PDE1A: variants seen among roughly 807,000 people sequenced by gnomAD.
PDE1A encodes the protein phosphodiesterase 1A.
PDE1A carries 35 observed loss-of-function variants against 61.7 expected under a neutral mutation model. The ratio of observed to expected loss-of-function variants is 0.57; its 90% CI spans 0.43 to 0.75. The LOEUF is 0.75. Ranked by LOEUF, PDE1A falls within the 30% of genes least tolerant of loss-of-function variation. The probability of loss-of-function intolerance (pLI) is 0.00; values close to 1 mark genes in which losing one functional copy is unlikely to be tolerated. For synonymous variants in PDE1A, 232 were observed against 213.2 expected, an observed-to-expected ratio of 1.09 and a Z score of -0.77; for missense variants, 597 against 630.6, an observed-to-expected ratio of 0.95 and a Z score of 0.57.
chr2:182,237,340 A>T (rs1690104631), intron 3 of PDE1A, among the ~76,000 whole-genome samples: 1 of 152,094 alleles, frequency 6.6e-6, no homozygotes, highest in Non-Finnish European at 1.5e-5. Context: ...AAAAATACAA[A>T]AAACAATTAG....
At chr2:182,371,968 G>A (rs1700148345) in intron 1 of PDE1A, among the ~76,000 whole-genome samples, 1 of 151,932 alleles carries the variant, frequency 6.6e-6, no homozygotes, top group Non-Finnish European at 1.5e-5. Flanking sequence ...TTTTATTTTT[G>A]TATTTTTAGT....
chr2:182,590,961 T>C, the PDE1A span, among the ~76,000 whole-genome samples: 4 of 152,192 alleles, frequency 2.6e-5, no homozygotes, highest in African/African-American at 9.7e-5. Context: ...TTGCTCACCA[T>C]TGTGTCCACA....
At chr2:182,651,461 C>A in the PDE1A span, among the ~76,000 whole-genome samples, 4 of 152,300 alleles carry the variant, frequency 2.6e-5, no homozygotes, top group Middle Eastern at 6.8e-3. Flanking sequence ...CAAGAGAAAT[C>A]TCTTTGAACA....
At chr2:182,415,578 C>T (rs1702866421) in intron 1 of PDE1A, among the ~76,000 whole-genome samples, 2 of 152,096 alleles carry the variant, frequency 1.3e-5, no homozygotes, top group Non-Finnish European at 1.5e-5. Context: ...AGCAACAAAT[C>T]TCTTCTGTTT....
At chr2:182,403,590 C>A in intron 1 of PDE1A, among the ~76,000 whole-genome samples, 1 of 116,478 alleles carries the variant, frequency 8.6e-6, no homozygotes, top group South Asian at 2.8e-4. Flanking sequence ...CAGAGCCAGA[C>A]TCCGTCTCAA....
chr2:182,294,083 C>A (rs1383717935), intron 1 of PDE1A, among the ~76,000 whole-genome samples: 2 of 152,144 alleles, frequency 1.3e-5, no homozygotes, highest in Non-Finnish European at 2.9e-5. Flanking sequence ...CAAAGTGGAA[C>A]AACAAAAGAT....
At chr2:182,547,041 T>C in the PDE1A span, among the ~76,000 whole-genome samples, 1 of 152,212 alleles carries the variant, frequency 6.6e-6, no homozygotes, top group Non-Finnish European at 1.5e-5. Context: ...TTAGTGCTCC[T>C]TCAGTAGATG....
chr2:182,561,687 A>G, the PDE1A span, among the ~76,000 whole-genome samples: 14 of 152,124 alleles, frequency 9.2e-5, no homozygotes, highest in African/African-American at 3.1e-4. Context: ...CCTACCCATG[A>G]GCATGGAATG....
intron 4 of PDE1A, among the ~76,000 whole-genome samples, chr2:182,233,997 C>G (rs1689799121): frequency 6.6e-6 from 1 of 151,960 alleles, no homozygotes; most frequent in Non-Finnish European, 1.5e-5. Context: ...TTTTTCAGAC[C>G]TACAATCCTA....
chr2:182,413,855 T>G (rs1702762499), intron 1 of PDE1A, among the ~76,000 whole-genome samples: 1 of 152,166 alleles, frequency 6.6e-6, no homozygotes, highest in Admixed American at 6.5e-5. Flanking sequence ...ATAAATCTAT[T>G]AAATCTCATG....
At chr2:182,409,925 T>C (rs149478126) in intron 1 of PDE1A, among the ~76,000 whole-genome samples, 1,945 of 152,330 alleles carry the variant, frequency 0.013, 27 homozygotes, top group South Asian at 0.048. Context: ...AATTTTAATA[T>C]AAAGAACTCA....
At chr2:182,252,051 A>G (rs1321583498) in intron 2 of PDE1A, among the ~76,000 whole-genome samples, 3 of 152,214 alleles carry the variant, frequency 2.0e-5, no homozygotes, top group African/African-American at 7.2e-5. Flanking sequence ...AGCCAAACAG[A>G]ATAGCAAAAT....
In PDE1A at chr2:182,264,878, C is replaced by CATATATAT. The variant is rs148358464; in HGVS notation, c.54-472_54-465dup. On this transcript the variant is annotated intron_variant, in intron 1 of 13. Coordinates refer to ENST00000351439, the Ensembl canonical transcript of PDE1A. Reference sequence around the variant, plus strand: ...ATAAAGAAAATGTGGTATATATATACATATATATATATATGTATATATATA... The same window carrying CATATATAT: ...ATAAAGAAAATGTGGTATATATATACATATATATATATATATATATATGTATATATATA... 2.8e-3 allele frequency among the ~76,000 whole-genome samples: 297 copies of CATATATAT among 106,824 alleles called. 19 individuals carry two copies. The highest frequency in any genetic ancestry group is 6.5e-3 in the East Asian group (23 of 3,520). The allele number at this position is 106,824 out of a possible 152,430, so 70.1% of individuals were successfully genotyped here.
At chr2:182,653,821 A>G in the PDE1A span, among the ~76,000 whole-genome samples, 81 of 152,002 alleles carry the variant, frequency 5.3e-4, no homozygotes, top group Non-Finnish European at 9.1e-4. Flanking sequence ...CATCATTGCT[A>G]CTCTGAAACT....
At chr2:182,571,824 C>G in the PDE1A span, among the ~76,000 whole-genome samples, 1 of 152,100 alleles carries the variant, frequency 6.6e-6, no homozygotes, top group Non-Finnish European at 1.5e-5. Flanking sequence ...ATTATGCCAG[C>G]AGAATTCTAA....
chr2:182,427,098 T>A, upstream of PDE1A: 1 of 825,950 alleles, frequency 1.2e-6, no homozygotes, highest in Non-Finnish European at 1.5e-6. Flanking sequence ...TTCTTCAAAA[T>A]AAAAGTTGTA....
intron 1 of PDE1A, among the ~76,000 whole-genome samples, chr2:182,270,279 C>T (rs1018112729): frequency 6.6e-5 from 10 of 152,118 alleles, no homozygotes; most frequent in Non-Finnish European, 1.5e-4. Flanking sequence ...ACAAAGAGTA[C>T]TGAGTTGTAG....
At chr2:182,328,504 G>A (rs1374561165) in intron 1 of PDE1A, among the ~76,000 whole-genome samples, 1 of 152,096 alleles carries the variant, frequency 6.6e-6, no homozygotes, top group Non-Finnish European at 1.5e-5. Context: ...GTAAAAAAAA[G>A]TGGTGAGATG....
the PDE1A span, among the ~76,000 whole-genome samples, chr2:182,580,878 C>T: frequency 2.6e-5 from 4 of 151,934 alleles, no homozygotes; most frequent in Admixed American, 2.0e-4. Flanking sequence ...CCCTTTTTCC[C>T]CATTATTCCA....
Sources: allele counts gnomAD v4.1 joint callset (sites outside exome capture counted in the v4.1 genomes callset), GRCh38; gene constraint gnomAD v4.1.1; transcripts MANE v1.5; gene names NCBI Gene and HGNC (gene_info 2026-07-23, HGNC 2026-07-21).